Variants in BANP observed in about 807,000 individuals in gnomAD.
The protein encoded by BANP is protein BANP.
A neutral mutation model predicts 68.1 loss-of-function variants in BANP; 11 were observed. That is an observed-to-expected ratio of 0.16 (90% CI 0.10 to 0.27). The LOEUF is 0.27. Ranked by LOEUF, BANP falls within the 10% of genes least tolerant of loss-of-function variation. BANP has a pLI of 1.00. For synonymous variants in BANP, 329 were observed against 303.2 expected (o/e 1.09, Z -0.88); for missense variants, 504 against 722.7 (o/e 0.70, Z 3.47).
rs769043809 is a variant in BANP at position 87,957,360 on chromosome 16, G to A, written c.-69+5845G>A. 3.3e-5 allele frequency among the ~76,000 whole-genome samples: 5 copies of A among 152,194 alleles called. No homozygotes were observed. The highest frequency in any genetic ancestry group is 5.9e-5 in the Non-Finnish European group (4 of 68,034). On this transcript the variant is annotated intron_variant, in intron 1 of 13. Coordinates refer to ENST00000682872, the MANE Select transcript of BANP (RefSeq NM_001386991.1). The surrounding 1 kb of genome is among the most constrained non-coding windows in gnomAD (Gnocchi z 4.3). ...GCAGTGAAACACCTGAGGAAGGCTG[G>A]GCAGAATGGATCGGGGGTGTGTATT...
rs987246657 is a variant in BANP, at chr16:87,979,261, C to G, written c.71-1775C>G. On this transcript the variant is annotated intron_variant, in intron 2 of 13. Transcript: ENST00000682872. ...CTTTGGTGGAGGTGGAGGCAGGGAC[C>G]AGAGAGGCCTGTGCACTTGGCTTTC... 2.0e-5 allele frequency among the ~76,000 whole-genome samples: 3 copies of G among 152,110 alleles called. 1 individual carries two copies.
At position 88,071,831 on chromosome 16, in the gene BANP, G is replaced by A; in HGVS notation, c.1378-238G>A. 1.4e-6 allele frequency: 1 copy of A among 700,530 alleles called. No homozygotes were observed. Among genetic ancestry groups the A allele is most frequent in the African/African-American group, 1.7e-5 (1 of 57,194 alleles). The allele number at this position is 700,530 out of a possible 1,614,324, so 43.4% of individuals were successfully genotyped here. A position where few individuals can be genotyped will look rare whatever the true frequency, so the allele number is the denominator to read the frequency against. On this transcript the variant is annotated intron_variant, in intron 12 of 13. Coordinates refer to ENST00000682872, the MANE Select transcript of BANP (RefSeq NM_001386991.1). The surrounding 1 kb of genome is among the most constrained non-coding windows in gnomAD (Gnocchi z 6.5). ...TTTTCTGCTCTGTAGGTGCTTGAGG[G>A]CGGAGTTGCAGATCCAGCAGAGACT...
chr16:87,974,073 C>G (rs575304674), intron 1 of BANP, among the ~76,000 whole-genome samples: 2 of 152,292 alleles, frequency 1.3e-5, no homozygotes, highest in East Asian at 3.9e-4. Context: ...GGTTTCTGTC[C>G]TCAGGAAGTG....
chr16:88,037,836 G>A (rs2079740067), intron 10 of BANP, 137 bp from the exon 11 acceptor site: 1 of 770,612 alleles, frequency 1.3e-6, no homozygotes, highest in Non-Finnish European at 2.3e-6. Flanking sequence ...GTTGCTACTG[G>A]AGGTTGAATT....
chr16:87,981,198 A>G (rs1012290293), intron 3 of BANP, 71 bp downstream of exon 3: 35 of 1,110,992 alleles, frequency 3.2e-5, no homozygotes, highest in Middle Eastern at 2.0e-4. Context: ...ACAAATCACC[A>G]TCAATGGGAT....
chr16:87,953,351 C>G (rs376463590), intron 1 of BANP, among the ~76,000 whole-genome samples: 1 of 152,156 alleles, frequency 6.6e-6, no homozygotes. Context: ...TTAGGTCATT[C>G]TCCACAGCTC....
chr16:88,075,467 C>T (rs986116968), intron 13 of BANP, among the ~76,000 whole-genome samples: 1 of 152,110 alleles, frequency 6.6e-6, no homozygotes, highest in Non-Finnish European at 1.5e-5. Flanking sequence ...TGCACTACTG[C>T]ACTCCAACCT....
At chr16:88,075,478 G>C (rs1178533431) in intron 13 of BANP, among the ~76,000 whole-genome samples, 1 of 152,160 alleles carries the variant, frequency 6.6e-6, no homozygotes, top group Non-Finnish European at 1.5e-5. Context: ...ACTCCAACCT[G>C]GGCAACAGAG....
Position 88,042,928 on chromosome 16 carries a change from A to G in BANP, c.1311+4917A>G, listed in dbSNP as rs544146188. 2.1e-3 allele frequency among the ~76,000 whole-genome samples: 313 copies of G among 152,340 alleles called. 2 individuals carry two copies. Among genetic ancestry groups the G allele is most frequent in the African/African-American group, 7.3e-3 (303 of 41,572 alleles). ...CAAGACCCTGTCTCAAAATAAATGA[A>G]GTGTACAATTCAATGGTTTTTCAAA... On this transcript the variant is annotated intron_variant, in intron 11 of 13. Transcript: ENST00000682872.
chr16:88,066,085 C>T (rs185821248), intron 12 of BANP, among the ~76,000 whole-genome samples: 148 of 152,328 alleles, frequency 9.7e-4, no homozygotes, highest in African/African-American at 3.4e-3. Context: ...GCAGGGCGAG[C>T]TGTGCCCATG....
intron 4 of BANP, among the ~76,000 whole-genome samples, chr16:87,991,356 C>A (rs1219720834): frequency 1.3e-5 from 2 of 152,182 alleles, no homozygotes; most frequent in Non-Finnish European, 2.9e-5. Context: ...AATAACCAAA[C>A]TAATGAGAAA....
chr16:88,037,092 G>A (rs1488859333), intron 10 of BANP, among the ~76,000 whole-genome samples: 1 of 152,140 alleles, frequency 6.6e-6, no homozygotes, highest in African/African-American at 2.4e-5. Flanking sequence ...AGCCTATGAA[G>A]TTCGTCAGAA....
At chr16:88,001,937 A>C (rs565489618) in intron 4 of BANP, among the ~76,000 whole-genome samples, 84 of 152,264 alleles carry the variant, frequency 5.5e-4, no homozygotes, top group African/African-American at 1.6e-3. Context: ...AAAACAAAAA[A>C]AAAAAAACCT....
intron 1 of BANP, among the ~76,000 whole-genome samples, chr16:87,962,680 G>A (rs140537188): frequency 9.1e-4 from 139 of 152,232 alleles, no homozygotes; most frequent in African/African-American, 3.2e-3. Context: ...CATTTGGGGG[G>A]CCATCTTAAA....
chr16:87,951,467 A>G lies in BANP; in HGVS notation c.-117A>G, dbSNP rs1000505778. 1.3e-5 allele frequency: 2 copies of G among 152,010 alleles called. No individual in the cohort carries two copies. Among genetic ancestry groups the G allele is most frequent in the Non-Finnish European group, 2.9e-5 (2 of 67,864 alleles). The allele number at this position is 152,010 out of a possible 1,614,324, so 9.4% of individuals were successfully genotyped here. On this transcript the variant is annotated 5_prime_UTR_variant, in exon 1 of 14. Coordinates refer to ENST00000682872, the MANE Select transcript of BANP (RefSeq NM_001386991.1). ...GGCTTCTCTCGCGAGGACGGACGCC[A>G]TTATCGCATCTCCCCGACAAACACC...
At chr16:88,061,249 C>T (rs1012210058) in intron 11 of BANP, among the ~76,000 whole-genome samples, 2 of 152,086 alleles carry the variant, frequency 1.3e-5, no homozygotes, top group Non-Finnish European at 2.9e-5. Flanking sequence ...ATCTTGCCAT[C>T]GCTCTGGGCT....
At chr16:87,965,463 C>T (rs1156251748) in intron 1 of BANP, among the ~76,000 whole-genome samples, 1 of 151,518 alleles carries the variant, frequency 6.6e-6, no homozygotes, top group Non-Finnish European at 1.5e-5. Context: ...TGCTGAGGGA[C>T]CAGGGAGGGG....
Position 88,029,293 on chromosome 16 carries a change from C to T in BANP, c.1063+1643C>T, listed in dbSNP as rs561463316. ...CCACACTGTAGCCTGGGTGACAGAG[C>T]GAGACTGTATCTCAAAAAAAAAAAA... On this transcript the variant is annotated intron_variant, in intron 8 of 13. Coordinates refer to ENST00000682872, the MANE Select transcript of BANP (RefSeq NM_001386991.1). 2.4e-4 allele frequency among the ~76,000 whole-genome samples: 26 copies of T among 107,836 alleles called. No homozygotes were observed. The South Asian group carries it at 5.1e-3, about 21-fold the overall frequency. 70.7% of individuals were successfully genotyped at this position (107,836 alleles called of 152,430 possible). A position where few individuals can be genotyped will look rare whatever the true frequency, so the allele number is the denominator to read the frequency against.
At chr16:87,958,390 A>T (rs549931863) in intron 1 of BANP, among the ~76,000 whole-genome samples, 1 of 152,250 alleles carries the variant, frequency 6.6e-6, no homozygotes, top group Admixed American at 6.5e-5. Flanking sequence ...GGAAACTTGC[A>T]GTGATGAGTG....
Sources: allele counts gnomAD v4.1 joint callset (sites outside exome capture counted in the v4.1 genomes callset), GRCh38; gene constraint gnomAD v4.1.1; non-coding constraint Gnocchi (gnomAD v3.1); transcripts MANE v1.5; gene names NCBI Gene and HGNC (gene_info 2026-07-23, HGNC 2026-07-21).